The following OSBP2 variants were observed in gnomAD, a reference collection of about 807,000 sequenced individuals.
OSBP2 encodes oxysterol binding protein 2.
Under a neutral mutation model 96.0 loss-of-function variants are expected in OSBP2, and 66 were observed. The ratio of observed to expected loss-of-function variants is 0.69; its 90% CI spans 0.56 to 0.84. The LOEUF (loss-of-function observed/expected upper bound fraction) is 0.84, where lower values mean the gene tolerates loss of function less well. OSBP2 is among the 40% of genes least tolerant of loss of function. The probability of loss-of-function intolerance (pLI) is 0.00; values close to 1 mark genes in which losing one functional copy is unlikely to be tolerated. For missense variants in OSBP2, 1,038 were observed against 1,222.7 expected, an observed-to-expected ratio of 0.85 and a Z score of 2.25; for synonymous variants, 525 against 520.9, an observed-to-expected ratio of 1.01 and a Z score of -0.11.
intron 12 of OSBP2, among the ~76,000 whole-genome samples, chr22:30,898,380 G>A (rs554349474): frequency 3.9e-5 from 6 of 152,088 alleles, no homozygotes; most frequent in Admixed American, 2.0e-4. Context: ...TTGGCTAGAC[G>A]TGGTGGTTCA....
At chr22:30,785,680 C>T (rs893654202) in intron 2 of OSBP2, among the ~76,000 whole-genome samples, 3 of 152,024 alleles carry the variant, frequency 2.0e-5, no homozygotes, top group Non-Finnish European at 4.4e-5. Context: ...CAAATCTCAT[C>T]TCAAATTGTA....
intron 2 of OSBP2, 127 bp downstream of exon 2, chr22:30,741,496 G>C (rs2089936714): frequency 2.8e-6 from 2 of 705,856 alleles, no homozygotes; most frequent in Non-Finnish European, 4.7e-6. Context: ...CAATCTGGAA[G>C]GTCAAGGTGC....
At chr22:30,723,758 A>T (rs2089594627) in intron 1 of OSBP2, among the ~76,000 whole-genome samples, 1 of 152,100 alleles carries the variant, frequency 6.6e-6, no homozygotes, top group Non-Finnish European at 1.5e-5. Context: ...GCAGTTTTAG[A>T]TTCACAACAG....
At chr22:30,843,457 T>C (rs1254786908) in intron 2 of OSBP2, among the ~76,000 whole-genome samples, 2 of 115,008 alleles carry the variant, frequency 1.7e-5, no homozygotes, top group South Asian at 3.6e-4. Context: ...CCCCTCCCCC[T>C]TGAGCAATAG....
At chr22:30,809,968 T>C (rs531439107) in intron 2 of OSBP2, among the ~76,000 whole-genome samples, 1 of 151,908 alleles carries the variant, frequency 6.6e-6, no homozygotes, top group Non-Finnish European at 1.5e-5. Context: ...GGAAAAGTTA[T>C]GATGAGGGAG....
At chr22:30,869,972 G>A (rs892702779) in intron 2 of OSBP2, among the ~76,000 whole-genome samples, 40 of 152,312 alleles carry the variant, frequency 2.6e-4, no homozygotes, top group African/African-American at 6.7e-4. Flanking sequence ...TTGACTGGAC[G>A]GGGGTGATTG....
At chr22:30,782,103 G>A (rs1411256824) in intron 2 of OSBP2, among the ~76,000 whole-genome samples, 7 of 152,078 alleles carry the variant, frequency 4.6e-5, no homozygotes, top group Non-Finnish European at 1.0e-4. Flanking sequence ...CCGAGATTAC[G>A]CCACTGCACT....
intron 1 of OSBP2, among the ~76,000 whole-genome samples, chr22:30,705,854 G>C (rs1277789599): frequency 6.6e-6 from 1 of 152,138 alleles, no homozygotes; most frequent in Admixed American, 6.6e-5. Context: ...GGAGGGGGAG[G>C]GAAGTGTGCA....
chr22:30,859,016 G>C (rs2039150238), intron 2 of OSBP2, among the ~76,000 whole-genome samples: 1 of 151,906 alleles, frequency 6.6e-6, no homozygotes, highest in South Asian at 2.1e-4. Flanking sequence ...CGTCAACCAG[G>C]CAGATGCAGC....
chr22:30,886,804 C>T (rs981592190), intron 3 of OSBP2, among the ~76,000 whole-genome samples: 4 of 152,062 alleles, frequency 2.6e-5, no homozygotes, highest in South Asian at 2.1e-4. Context: ...GCTTAGTCCT[C>T]ACAGGGAATG....
At chr22:30,715,664 G>A (rs977072541) in intron 1 of OSBP2, among the ~76,000 whole-genome samples, 1 of 151,116 alleles carries the variant, frequency 6.6e-6, no homozygotes, top group South Asian at 2.1e-4. Flanking sequence ...CGATTCTCCT[G>A]CCTCAGCCTC....
At chr22:30,873,719 C>T in intron 3 of OSBP2, among the ~76,000 whole-genome samples, 1 of 152,244 alleles carries the variant, frequency 6.6e-6, no homozygotes, top group Admixed American at 6.5e-5. Flanking sequence ...GACCCTCTTC[C>T]TCGTGAAATG....
intron 2 of OSBP2, among the ~76,000 whole-genome samples, chr22:30,853,215 A>G (rs9621114): frequency 0.057 from 8,709 of 152,282 alleles, 270 homozygotes; most frequent in Non-Finnish European, 0.064. Context: ...GTATTATCGT[A>G]TTGAAACCAC....
intron 2 of OSBP2, among the ~76,000 whole-genome samples, chr22:30,766,985 G>A (rs542370475): frequency 3.3e-5 from 5 of 151,970 alleles, no homozygotes; most frequent in Admixed American, 1.3e-4. Flanking sequence ...CTCCGTAAAC[G>A]TGTTGATTGA....
intron 2 of OSBP2, among the ~76,000 whole-genome samples, chr22:30,763,529 C>G (rs2145776416): frequency 6.6e-6 from 1 of 151,876 alleles, no homozygotes; most frequent in South Asian, 2.1e-4. Flanking sequence ...GCCTCTAATC[C>G]CAGCTACTTG....
chr22:30,828,014 C>T (rs1367508264), intron 2 of OSBP2, among the ~76,000 whole-genome samples: 1 of 152,100 alleles, frequency 6.6e-6, no homozygotes, highest in Non-Finnish European at 1.5e-5. Context: ...AAGGCTATGG[C>T]CTGGGGACCC....
intron 2 of OSBP2, among the ~76,000 whole-genome samples, chr22:30,790,204 C>T (rs1287171513): frequency 1.3e-5 from 2 of 152,058 alleles, no homozygotes; most frequent in Non-Finnish European, 2.9e-5. Flanking sequence ...TCAAGCTTCA[C>T]CTTTGGCCCT....
At chr22:30,893,086 C>A in intron 8 of OSBP2, 36 bp from the exon 9 acceptor site, 1 of 1,609,168 alleles carries the variant, frequency 6.2e-7, no homozygotes, top group Non-Finnish European at 8.5e-7. Flanking sequence ...GGGCTCATGT[C>A]TGGCAGATGC....
At chr22:30,902,831 G>T in intron 12 of OSBP2, 1 of 346,034 alleles carries the variant, frequency 2.9e-6, no homozygotes, top group East Asian at 7.6e-5. Context: ...CAGGACCACA[G>T]CCTGGTGAAC....
Sources: gnomAD v4.1 joint callset for allele counts (sites outside exome capture counted in the v4.1 genomes callset) on GRCh38, gnomAD v4.1.1 for gene constraint, MANE v1.5 for transcripts, NCBI Gene and HGNC (gene_info 2026-07-23, HGNC 2026-07-21) for gene names.